The following REEP1 variants were observed in gnomAD, a reference collection of about 807,000 sequenced individuals.
REEP1 encodes the protein receptor expression-enhancing protein 1.
In REEP1, 22 loss-of-function variants were observed where a neutral mutation model predicts 40.3. That is an observed-to-expected ratio of 0.55 (90% CI 0.39 to 0.78). The LOEUF (loss-of-function observed/expected upper bound fraction) is 0.78. REEP1 is among the 30% of genes least tolerant of loss of function. The pLI is 0.00. For synonymous variants in REEP1, 116 were observed against 139.2 expected, an observed-to-expected ratio of 0.83 and a Z score of 1.17; for missense variants, 280 against 361.1, an observed-to-expected ratio of 0.78 and a Z score of 1.82.
intron 1 of REEP1, among the ~76,000 whole-genome samples, chr2:86,309,568 A>T (rs1460104577): frequency 2.0e-5 from 3 of 152,194 alleles, no homozygotes; most frequent in Admixed American, 6.5e-5. Flanking sequence ...AACAACAGAA[A>T]TCCATTTTCC....
intron 3 of REEP1, among the ~76,000 whole-genome samples, chr2:86,261,214 G>T (rs1420345159): frequency 6.6e-6 from 1 of 152,162 alleles, no homozygotes; most frequent in Non-Finnish European, 1.5e-5. Context: ...AAGGCTGGAT[G>T]GCAGGAGGTG....
intron 3 of REEP1, among the ~76,000 whole-genome samples, chr2:86,256,773 A>G (rs934556480): frequency 5.3e-5 from 8 of 151,972 alleles, no homozygotes; most frequent in Admixed American, 2.0e-4. Flanking sequence ...TCTTACCCAC[A>G]CTCGCTTAAA....
chr2:86,267,479 A>G (rs1366966407), intron 2 of REEP1, among the ~76,000 whole-genome samples: 4 of 152,218 alleles, frequency 2.6e-5, no homozygotes, highest in Non-Finnish European at 5.9e-5. Flanking sequence ...GAAGTTCTTT[A>G]TAGCAGTGTG....
chr2:86,271,776 G>C (rs1345477668), intron 2 of REEP1, among the ~76,000 whole-genome samples: 5 of 152,252 alleles, frequency 3.3e-5, no homozygotes, highest in African/African-American at 1.2e-4. Flanking sequence ...TCTATAGCCT[G>C]CTGGGGCTCA....
intron 1 of REEP1, among the ~76,000 whole-genome samples, chr2:86,330,743 C>T (rs750467810): frequency 1.3e-5 from 2 of 151,996 alleles, no homozygotes; most frequent in Non-Finnish European, 2.9e-5. Flanking sequence ...CCGTGCCCAG[C>T]CAGAATCCTG....
At chr2:86,270,156 T>G (rs1260408125) in intron 2 of REEP1, among the ~76,000 whole-genome samples, 2 of 145,948 alleles carry the variant, frequency 1.4e-5, no homozygotes, top group East Asian at 4.1e-4. Context: ...AAGGATGCGT[T>G]CAGTATCATT....
intron 1 of REEP1, among the ~76,000 whole-genome samples, chr2:86,310,946 A>C (rs532709751): frequency 3.3e-5 from 5 of 152,306 alleles, no homozygotes; most frequent in African/African-American, 7.2e-5. Flanking sequence ...TTGTCCAATA[A>C]TTGGTGCTAG....
At chr2:86,226,080 ACC>A in intron 7 of REEP1, among the ~76,000 whole-genome samples, 1 of 124,346 alleles carries the variant, frequency 8.0e-6, no homozygotes, top group South Asian at 2.5e-4. Flanking sequence ...GGCTATCACC[ACC>A]ACCACCACCA....
chr2:86,282,970 C>T (rs1422576340), intron 1 of REEP1, among the ~76,000 whole-genome samples: 1 of 152,128 alleles, frequency 6.6e-6, no homozygotes, highest in African/African-American at 2.4e-5. Flanking sequence ...CCCAGAAAGC[C>T]TTTGCCTGTG....
At chr2:86,310,490 C>T (rs908856086) in intron 1 of REEP1, among the ~76,000 whole-genome samples, 2 of 152,110 alleles carry the variant, frequency 1.3e-5, no homozygotes, top group Non-Finnish European at 2.9e-5. Context: ...CTATGATGTT[C>T]ACACAATGAA....
intron 1 of REEP1, chr2:86,336,931 G>C (rs1681070064): frequency 6.6e-6 from 1 of 152,336 alleles, no homozygotes; most frequent in Non-Finnish European, 1.5e-5. Context: ...TGCCGCTGTC[G>C]ATGCAGACAC....
At chr2:86,274,453 AAAG>A (rs1318511553) in intron 2 of REEP1, among the ~76,000 whole-genome samples, 1 of 152,202 alleles carries the variant, frequency 6.6e-6, no homozygotes, top group Non-Finnish European at 1.5e-5. Flanking sequence ...TTTCATGCAG[AAAG>A]AAGGATCTGA....
chr2:86,301,168 C>A (rs543055029), intron 1 of REEP1, among the ~76,000 whole-genome samples: 7 of 152,240 alleles, frequency 4.6e-5, no homozygotes, highest in African/African-American at 1.7e-4. Context: ...CCTTCATCCG[C>A]ATTCTCTTTG....
At chr2:86,291,380 C>T (rs558759211) in intron 1 of REEP1, among the ~76,000 whole-genome samples, 1 of 152,322 alleles carries the variant, frequency 6.6e-6, no homozygotes, top group East Asian at 1.9e-4. Flanking sequence ...ACGAGGTTCT[C>T]TCCCGACCTG....
chr2:86,225,549 G>A (rs958733254), intron 7 of REEP1, among the ~76,000 whole-genome samples: 17 of 152,184 alleles, frequency 1.1e-4, no homozygotes, highest in African/African-American at 4.1e-4. Flanking sequence ...GGGATTACAG[G>A]TGTGAGCCAC....
chr2:86,299,053 T>C (rs1679141865), intron 1 of REEP1, among the ~76,000 whole-genome samples: 1 of 152,148 alleles, frequency 6.6e-6, no homozygotes, highest in Non-Finnish European at 1.5e-5. Flanking sequence ...ATACCATTGT[T>C]CCCTACTGCC....
At chr2:86,334,703 A>G (rs1234575903) in intron 1 of REEP1, among the ~76,000 whole-genome samples, 4 of 152,218 alleles carry the variant, frequency 2.6e-5, no homozygotes, top group Non-Finnish European at 5.9e-5. Context: ...GGGTTGAATC[A>G]GGGATGAGGA....
In REEP1 at chr2:86,255,430, C is replaced by A. The variant is rs116618130; in HGVS notation, c.183-616G>T. Among the ~76,000 whole-genome samples, 1,463 of 152,262 alleles carry A rather than the reference C, an allele frequency of 9.6e-3. 16 individuals are homozygous for A. Among genetic ancestry groups the A allele is most frequent in the Middle Eastern group, 0.02 (6 of 294 alleles). ...AAACAGATTTTGATCTTCTTAGTGC[C>A]AAGAAACAGAAGAGTCCACGGTGCA... On this transcript the variant is annotated intron_variant, in intron 3 of 8. Transcript: ENST00000538924.
At chr2:86,338,005 A>G, upstream of REEP1, 1 of 1,534,948 alleles carries the variant, frequency 6.5e-7, no homozygotes, top group Non-Finnish European at 8.7e-7. Context: ...CTAGTGCGTT[A>G]GCCTCATAAA....
Sources: allele counts gnomAD v4.1 joint callset (sites outside exome capture counted in the v4.1 genomes callset), GRCh38; gene constraint gnomAD v4.1.1; transcripts MANE v1.5; gene names NCBI Gene and HGNC (gene_info 2026-07-23, HGNC 2026-07-21).